The following B4GALT6 variants were observed in gnomAD, a reference collection of about 807,000 sequenced individuals.
B4GALT6 encodes the protein UDP-Gal:beta-GlcNAc beta-1,4-galactosyltransferase 6.
A neutral mutation model predicts 46.3 loss-of-function variants in B4GALT6; 14 were observed. The observed-to-expected ratio is 0.30, with a 90% CI of 0.20 to 0.47. The LOEUF is 0.47. Among genes scored for constraint, B4GALT6 ranks in the 20% least tolerant of loss-of-function variants. The pLI is 0.99. For synonymous variants in B4GALT6, 168 were observed against 162.0 expected, an observed-to-expected ratio of 1.04 and a Z score of -0.28; for missense variants, 386 against 480.1, an observed-to-expected ratio of 0.80 and a Z score of 1.83.
intron 2 of B4GALT6, among the ~76,000 whole-genome samples, chr18:31,659,949 CTTTTTTTTTTT>C (rs35690268): frequency 1.6e-5 from 2 of 122,720 alleles, no homozygotes; most frequent in African/African-American, 6.6e-5. Flanking sequence ...GATTCTTTTC[CTTTTTTTTTTT>C]TTTTTTTTTT....
chr18:31,667,093 C>G (rs756572465), intron 1 of B4GALT6, among the ~76,000 whole-genome samples: 37 of 152,274 alleles, frequency 2.4e-4, no homozygotes, highest in Middle Eastern at 3.4e-3. Context: ...AAAGCTTTAT[C>G]GCAAAAATCC....
At position 31,645,103 on chromosome 18, in the gene B4GALT6, G is replaced by A. The variant is rs191356290; in HGVS notation, c.471+252C>T. 7.2e-5 allele frequency among the ~76,000 whole-genome samples: 11 copies of A among 152,226 alleles called. No individual in the cohort carries two copies. The East Asian group carries it at 9.6e-4, about 13-fold the overall frequency. On this transcript the variant is annotated intron_variant, in intron 4 of 8. Transcript: ENST00000306851. Reference sequence around the variant, plus strand: ...ATTTTCCAAGCCAAACTCAAGTCACGTATTTATTACCAGGAACTCAAAGAG... The same window carrying A: ...ATTTTCCAAGCCAAACTCAAGTCACATATTTATTACCAGGAACTCAAAGAG...
chr18:31,634,448 T>C lies in B4GALT6; in HGVS notation c.589-3302A>G, dbSNP rs545938619. Among the ~76,000 whole-genome samples, 6 of 152,318 alleles carry C rather than the reference T, an allele frequency of 3.9e-5. No homozygotes were observed. The South Asian group carries it at 1.0e-3, about 26-fold the overall frequency. On this transcript the variant is annotated intron_variant, in intron 5 of 8. Coordinates refer to ENST00000306851, the MANE Select transcript of B4GALT6 (RefSeq NM_004775.5). Reference sequence around the variant, plus strand: ...CTGAGACAGAGGTGTGTCCAGCAAATTGACTCTAGTCTTGTCACATCACCC... The same window carrying C: ...CTGAGACAGAGGTGTGTCCAGCAAACTGACTCTAGTCTTGTCACATCACCC...
At chr18:31,679,466 G>A (rs2074454155) in intron 1 of B4GALT6, among the ~76,000 whole-genome samples, 1 of 151,462 alleles carries the variant, frequency 6.6e-6, no homozygotes, top group Non-Finnish European at 1.5e-5. Context: ...AACAAAGCTA[G>A]GGAGTGAGAA....
At chr18:31,709,840 C>T in the B4GALT6 span, among the ~76,000 whole-genome samples, 3 of 151,862 alleles carry the variant, frequency 2.0e-5, no homozygotes, top group Non-Finnish European at 4.4e-5. Flanking sequence ...CGCCTGGAAT[C>T]CCAGCACTTT....
chr18:31,664,259 C>A (rs571594124), intron 2 of B4GALT6, among the ~76,000 whole-genome samples: 1 of 152,282 alleles, frequency 6.6e-6, no homozygotes, highest in Admixed American at 6.5e-5. Flanking sequence ...GCCTCCATAA[C>A]AGCCACAGAT....
At chr18:31,684,870 CG>C (rs2074527408), upstream of B4GALT6, 2 of 740,642 alleles carry the variant, frequency 2.7e-6, no homozygotes, top group Non-Finnish European at 3.3e-6. Context: ...CCGCGCCCGG[CG>C]GGGTCCCGCC....
intron 1 of B4GALT6, among the ~76,000 whole-genome samples, chr18:31,677,340 G>C (rs2074425583): frequency 6.6e-6 from 1 of 152,126 alleles, no homozygotes; most frequent in African/African-American, 2.4e-5. Context: ...ACCAAACTCA[G>C]CTAAATTTTG....
At chr18:31,702,299 C>T in the B4GALT6 span, among the ~76,000 whole-genome samples, 3 of 152,158 alleles carry the variant, frequency 2.0e-5, no homozygotes, top group Non-Finnish European at 4.4e-5. Context: ...GCAGTTAACA[C>T]TTATATATAT....
At chr18:31,682,577 G>A (rs1225698222) in intron 1 of B4GALT6, among the ~76,000 whole-genome samples, 1 of 151,952 alleles carries the variant, frequency 6.6e-6, no homozygotes, top group Non-Finnish European at 1.5e-5. Flanking sequence ...GTTGAATTAA[G>A]AATCTACAAA....
At chr18:31,706,560 G>A in the B4GALT6 span, among the ~76,000 whole-genome samples, 1 of 152,132 alleles carries the variant, frequency 6.6e-6, no homozygotes, top group Admixed American at 6.5e-5. Context: ...GAACCCAGGA[G>A]GTGGAGGCTG....
Position 31,622,459 on chromosome 18 carries a change from T to C in B4GALT6, c.*3155A>G, listed in dbSNP as rs2073628338. On this transcript the variant is annotated 3_prime_UTR_variant, in exon 9 of 9. Transcript: ENST00000306851. ...ACCATTTTAGTTCTCTCAACCGGCA[T>C]ACTTGCAAATACAAGACAATAAATC... The C allele has an allele frequency of 2.0e-5, 3 of 152,032 alleles. No homozygotes were observed. The highest frequency in any genetic ancestry group is 2.9e-5 in the Non-Finnish European group (2 of 67,930). 9.4% of individuals were successfully genotyped at this position (152,032 alleles called of 1,614,324 possible).
intron 3 of B4GALT6, among the ~76,000 whole-genome samples, chr18:31,646,353 G>A (rs761349905): frequency 6.6e-5 from 10 of 152,120 alleles, no homozygotes; most frequent in South Asian, 2.1e-4. Context: ...AACCACTTCC[G>A]TTAACCCCAA....
intron 5 of B4GALT6, among the ~76,000 whole-genome samples, chr18:31,635,507 A>G (rs962540188): frequency 2.0e-5 from 3 of 152,236 alleles, no homozygotes; most frequent in Non-Finnish European, 4.4e-5. Context: ...ATGGTATGTT[A>G]TATTAAATAC....
chr18:31,665,542 A>G (rs2074272664), intron 2 of B4GALT6, among the ~76,000 whole-genome samples: 1 of 152,096 alleles, frequency 6.6e-6, no homozygotes, highest in Admixed American at 6.5e-5. Context: ...GATTGAGACC[A>G]TCTTGGCTAA....
chr18:31,671,911 T>A (rs1204987212), intron 1 of B4GALT6, among the ~76,000 whole-genome samples: 1 of 152,180 alleles, frequency 6.6e-6, no homozygotes, highest in Non-Finnish European at 1.5e-5. Context: ...GAAAAAAATT[T>A]AAAAAATAGA....
chr18:31,649,079 G>T (rs1238520171), intron 3 of B4GALT6, among the ~76,000 whole-genome samples: 2 of 152,128 alleles, frequency 1.3e-5, no homozygotes, highest in South Asian at 4.1e-4. Context: ...GACAAGATGG[G>T]ACATTCCCTC....
intron 5 of B4GALT6, among the ~76,000 whole-genome samples, chr18:31,637,390 CTTTT>C (rs58990857): frequency 2.6e-5 from 3 of 115,994 alleles, no homozygotes; most frequent in Non-Finnish European, 3.6e-5. Context: ...GCAATGTATG[CTTTT>C]TTTTTTTTTT....
intron 4 of B4GALT6, among the ~76,000 whole-genome samples, chr18:31,644,649 T>C (rs528619955): frequency 6.6e-6 from 1 of 152,346 alleles, no homozygotes; most frequent in Non-Finnish European, 1.5e-5. Context: ...TGTTAACCAA[T>C]TTCACAGCTT....
Sources: allele counts gnomAD v4.1 joint callset (sites outside exome capture counted in the v4.1 genomes callset), GRCh38; gene constraint gnomAD v4.1.1; transcripts MANE v1.5; gene names NCBI Gene and HGNC (gene_info 2026-07-23, HGNC 2026-07-21).